KDM4A: variants seen among roughly 807,000 people sequenced by gnomAD.
KDM4A encodes the protein lysine demethylase 4A, also known as lysine-specific demethylase 4A.
KDM4A carries 23 observed loss-of-function variants against 127.1 expected under a neutral mutation model. That is an observed-to-expected ratio of 0.18 (90% CI 0.13 to 0.26). The LOEUF (loss-of-function observed/expected upper bound fraction) is 0.26, where lower values mean the gene tolerates loss of function less well. KDM4A is among the 10% of genes least tolerant of loss of function. The probability of loss-of-function intolerance (pLI) is 1.00; values close to 1 mark genes in which losing one functional copy is unlikely to be tolerated. For synonymous variants in KDM4A, 443 were observed against 466.5 expected, an observed-to-expected ratio of 0.95 and a Z score of 0.65; for missense variants, 890 against 1,329.1, an observed-to-expected ratio of 0.67 and a Z score of 5.14.
At chr1:43,653,464 T>A (rs1468223874) in intron 2 of KDM4A, 151 bp downstream of exon 2, 1 of 669,208 alleles carries the variant, frequency 1.5e-6, no homozygotes, top group African/African-American at 1.9e-5. Context: ...TTAATTCCCG[T>A]TGTTAACATC....
intron 3 of KDM4A, among the ~76,000 whole-genome samples, chr1:43,659,574 C>T (rs1231942813): frequency 1.3e-5 from 2 of 152,210 alleles, no homozygotes; most frequent in Non-Finnish European, 2.9e-5. Context: ...CCCCGCCAGG[C>T]CTCCCAAAGT....
At position 43,671,647 on chromosome 1, in the gene KDM4A, A is replaced by C. The variant is rs201313043; in HGVS notation, c.1506A>C (p.Ser502=). The C allele has an allele frequency of 6.2e-7, 1 of 1,613,398 alleles. No individual in the cohort carries two copies. The highest frequency in any genetic ancestry group is 1.7e-5 in the Admixed American group (1 of 59,862). The change falls in exon 11 of 22, where the codon TCA becomes TCC. Residue 502 remains serine (S), a synonymous_variant. Transcript: ENST00000372396. The part of the protein sequence containing the change: ...PASVGGRLVF[S]GSKKKSSSSL... Reference sequence around the variant, plus strand: ...CTGTAGGGGGACGCCTTGTCTTCTCAGGCTCCAAAAAGAAATCATCTTCTA... The same window carrying C: ...CTGTAGGGGGACGCCTTGTCTTCTCCGGCTCCAAAAAGAAATCATCTTCTA...
intron 5 of KDM4A, among the ~76,000 whole-genome samples, chr1:43,663,748 C>T (rs1476701437): frequency 6.6e-6 from 1 of 152,084 alleles, no homozygotes; most frequent in Non-Finnish European, 1.5e-5. Flanking sequence ...TTCAGCCTCC[C>T]AGGTAGCTGG....
Position 43,683,751 on chromosome 1 carries a change from G to A in KDM4A, c.1802G>A (p.Ser601Asn). Reference sequence around the variant, plus strand: ...TCCAAGGGACGCCGTCAGCCTTTAAGCAAGCTCCCCCGCCATCACCCACTT... The same window carrying A: ...TCCAAGGGACGCCGTCAGCCTTTAAACAAGCTCCCCCGCCATCACCCACTT... ...KKSKGRRQPLSKLPRHHPLVL... is the reference protein window; with the variant it reads ...KKSKGRRQPLNKLPRHHPLVL... Residue 601 changes from serine (S) to asparagine (N), a missense_variant, in exon 12 of 22, where the codon AGC (serine) becomes AAC (asparagine). Physicochemically the swap from Ser to Asn is conservative, Grantham distance 46. Around this residue, in one of 7 missense-constraint regions of KDM4A, gnomAD observed 389 missense variants for 485.9 expected, o/e 0.80. Coordinates refer to ENST00000372396, the MANE Select transcript of KDM4A (RefSeq NM_014663.3). 1 of 1,614,112 alleles carries A rather than the reference G, an allele frequency of 6.2e-7. No homozygotes were observed. The highest frequency in any genetic ancestry group is 1.1e-5 in the South Asian group (1 of 91,066).
At chr1:43,662,743 A>C in intron 4 of KDM4A, 151 bp from the exon 5 acceptor site, 2 of 608,996 alleles carry the variant, frequency 3.3e-6, no homozygotes, top group Non-Finnish European at 5.6e-6. Context: ...TCAATGAGGA[A>C]TGCTATGGTC....
intron 18 of KDM4A, among the ~76,000 whole-genome samples, chr1:43,697,256 G>A (rs187530708): frequency 5.9e-5 from 9 of 152,352 alleles, no homozygotes; most frequent in Non-Finnish European, 1.0e-4. Flanking sequence ...AAATGAGGCC[G>A]TCACATACTT....
intron 19 of KDM4A, chr1:43,701,994 T>G (rs1324381265): frequency 6.6e-6 from 1 of 152,272 alleles, no homozygotes; most frequent in African/African-American, 2.4e-5. Flanking sequence ...CTAGAGTTTT[T>G]GCTCTTTTCT....
At chr1:43,662,251 T>G (rs1036406941) in intron 4 of KDM4A, among the ~76,000 whole-genome samples, 2 of 152,008 alleles carry the variant, frequency 1.3e-5, no homozygotes, top group Admixed American at 1.3e-4. Flanking sequence ...GTCATAGAGT[T>G]TTTTTTCTAT....
At chr1:43,668,542 C>T (rs1221698855) in intron 9 of KDM4A, among the ~76,000 whole-genome samples, 5 of 152,088 alleles carry the variant, frequency 3.3e-5, no homozygotes, top group African/African-American at 1.2e-4. Flanking sequence ...CTGTAGTGGG[C>T]GTGTAGTCTG....
chr1:43,694,499 G>A lies in KDM4A; in HGVS notation c.2485-210G>A, dbSNP rs1242623203. Among the ~76,000 whole-genome samples the A allele has an allele frequency of 6.8e-6, 1 of 146,948 alleles. No homozygotes were observed. Among genetic ancestry groups the A allele is most frequent in the Non-Finnish European group, 1.5e-5 (1 of 67,204 alleles). On this transcript the variant is annotated intron_variant, in intron 17 of 21. Coordinates refer to ENST00000372396, the MANE Select transcript of KDM4A (RefSeq NM_014663.3). The surrounding 1 kb of genome is among the most constrained non-coding windows in gnomAD (Gnocchi z 5.2). ...TCACTGCACTCCAGCCTGGGTGACAGAGCAAGACTCCGTCTCAAAAAAAAA... is the reference window on the plus strand; with the variant it reads ...TCACTGCACTCCAGCCTGGGTGACAAAGCAAGACTCCGTCTCAAAAAAAAA...
At chr1:43,692,032 A>G (rs1281046404) in intron 15 of KDM4A, among the ~76,000 whole-genome samples, 1 of 152,228 alleles carries the variant, frequency 6.6e-6, no homozygotes, top group East Asian at 1.9e-4. Context: ...GCAACAATGA[A>G]GAGGATTATG....
At chr1:43,698,051 G>C (rs755010559) in intron 19 of KDM4A, 38 bp downstream of exon 19, 5 of 1,595,498 alleles carry the variant, frequency 3.1e-6, no homozygotes, top group South Asian at 2.2e-5. Context: ...AGTTTGGAAT[G>C]GGGGGATGTT....
chr1:43,694,998 G>T lies in KDM4A; in HGVS notation c.2670+104G>T. 4.4e-6 allele frequency: 5 copies of T among 1,129,180 alleles called. No homozygotes were observed. The highest frequency in any genetic ancestry group is 6.2e-6 in the Non-Finnish European group (5 of 802,820). The allele number at this position is 1,129,180 out of a possible 1,614,324, so 69.9% of individuals were successfully genotyped here. The stretch of plus-strand genomic sequence containing the variant: ...CAGCAACTATTTCCTCAAGCATTCT[G>T]CATTATGAAGAGTGCTAATGAGTTA... On this transcript the variant is annotated intron_variant, in intron 18 of 21. Coordinates refer to ENST00000372396, the MANE Select transcript of KDM4A (RefSeq NM_014663.3). This position sits in a 1 kb window ranked among gnomAD's most constrained non-coding sequence, Gnocchi z 5.2.
Position 43,691,521 on chromosome 1 carries a change from G to A in KDM4A, c.2268G>A (p.Lys756=), listed in dbSNP as rs747618804. The change falls in exon 15 of 22, where the codon AAG becomes AAA. Residue 756 remains lysine, a synonymous_variant. Transcript: ENST00000372396. Reference sequence around the variant, plus strand: ...GTTGCTATGGGGTCCCCCCTGCAAAGGCTTCTGAAGACTGGATGTGTTCTC... The same window carrying A: ...GTTGCTATGGGGTCCCCCCTGCAAAAGCTTCTGAAGACTGGATGTGTTCTC... ...HASCYGVPPA[K]ASEDWMCSRC... 1.2e-6 allele frequency: 2 copies of A among 1,613,980 alleles called. No individual in the cohort carries two copies. The highest frequency in any genetic ancestry group is 2.2e-5 in the East Asian group (1 of 44,864).
chr1:43,669,004 G>A (rs1660560336), intron 9 of KDM4A, 96 bp from the exon 10 acceptor site: 19 of 1,285,818 alleles, frequency 1.5e-5, no homozygotes, highest in Non-Finnish European at 1.9e-5. Context: ...ACAGGCTCTG[G>A]CCATTCACTT....
At chr1:43,692,668 G>A (rs746507167) in intron 16 of KDM4A, among the ~76,000 whole-genome samples, 9 of 152,172 alleles carry the variant, frequency 5.9e-5, no homozygotes, top group South Asian at 2.1e-4. Context: ...ATGCAGAGGC[G>A]GCCACAGGCT....
At chr1:43,666,886 A>T in intron 7 of KDM4A, 68 bp from the exon 8 acceptor site, 3 of 1,528,456 alleles carry the variant, frequency 2.0e-6, no homozygotes, top group Non-Finnish European at 2.7e-6. Flanking sequence ...GTTGTGGTGG[A>T]GCTCAGAATT....
At chr1:43,666,602 GCCTTTGTT>G in intron 7 of KDM4A, 47 bp downstream of exon 7, 1 of 1,485,664 alleles carries the variant, frequency 6.7e-7, no homozygotes, top group Non-Finnish European at 9.4e-7. Context: ...ACCCTTTCTG[GCCTTTGTT>G]TTACAGTTTT....
intron 7 of KDM4A, 44 bp downstream of exon 7, chr1:43,666,599 C>CT: frequency 6.7e-7 from 1 of 1,497,740 alleles, no homozygotes; most frequent in Non-Finnish European, 9.3e-7. Flanking sequence ...ACCACCCTTT[C>CT]TGGCCTTTGT....
Sources: allele counts gnomAD v4.1 joint callset (sites outside exome capture counted in the v4.1 genomes callset), GRCh38; gene constraint gnomAD v4.1.1; regional missense constraint gnomAD v4.1.1; non-coding constraint Gnocchi (gnomAD v3.1); transcripts MANE v1.5; gene names NCBI Gene and HGNC (gene_info 2026-07-23, HGNC 2026-07-21).